The following RPRD2 variants were observed in gnomAD, a reference collection of about 807,000 sequenced individuals.
RPRD2 encodes regulation of nuclear pre-mRNA domain-containing protein 2.
RPRD2 carries 12 observed loss-of-function variants against 104.4 expected under a neutral mutation model. The observed-to-expected ratio is 0.11, with a 90% CI of 0.07 to 0.19. RPRD2 has a LOEUF of 0.19. Among genes scored for constraint, RPRD2 ranks in the 10% least tolerant of loss-of-function variants. RPRD2 has a pLI of 1.00. For synonymous variants in RPRD2, 714 were observed against 684.9 expected (o/e 1.04, Z -0.66); for missense variants, 1,543 against 1,790.1 (o/e 0.86, Z 2.49).
At chr1:150,393,200 G>A (rs1311487593) in intron 1 of RPRD2, among the ~76,000 whole-genome samples, 1 of 151,920 alleles carries the variant, frequency 6.6e-6, no homozygotes, top group Non-Finnish European at 1.5e-5. Context: ...TGGGTGCGGT[G>A]GCTCACACAT....
chr1:150,464,229 G>A (rs1668116306), intron 9 of RPRD2, among the ~76,000 whole-genome samples: 3 of 151,936 alleles, frequency 2.0e-5, no homozygotes, highest in Middle Eastern at 3.4e-3. Context: ...GGCTGGTCTC[G>A]AACTCCTGAC....
intron 1 of RPRD2, among the ~76,000 whole-genome samples, chr1:150,374,724 G>A (rs1553879145): frequency 1.3e-5 from 2 of 152,190 alleles, no homozygotes; most frequent in Non-Finnish European, 2.9e-5. Flanking sequence ...TGTAGGAAAA[G>A]CACTTTTAAG....
At chr1:150,456,731 C>T (rs1156868893) in intron 7 of RPRD2, among the ~76,000 whole-genome samples, 1 of 151,746 alleles carries the variant, frequency 6.6e-6, no homozygotes, top group South Asian at 2.1e-4. Flanking sequence ...TCAAGACCAG[C>T]CTGGCCAACA....
At chr1:150,407,595 A>T (rs1340347454) in intron 1 of RPRD2, among the ~76,000 whole-genome samples, 3 of 152,150 alleles carry the variant, frequency 2.0e-5, no homozygotes, top group African/African-American at 4.8e-5. Context: ...ATAGTGGTGG[A>T]GGAGTATGGC....
chr1:150,445,646 T>G (rs1326825909), intron 6 of RPRD2, among the ~76,000 whole-genome samples: 1 of 152,210 alleles, frequency 6.6e-6, no homozygotes, highest in South Asian at 2.1e-4. Flanking sequence ...ACAAACTCTT[T>G]TAGTTGAACT....
rs764511441 is a variant in RPRD2, at chr1:150,471,513, A to G, written c.2565A>G (p.Lys855=). 6.2e-7 allele frequency: 1 copy of G among 1,613,828 alleles called. No individual in the cohort carries two copies. Among genetic ancestry groups the G allele is most frequent in the South Asian group, 1.1e-5 (1 of 91,058 alleles). ...TGAACCTAGAGAAGAAACCAGCCAA[A>G]TCTATCCTGAAATCAAGCAAGCTGT... ...AMMNLEKKPA[K]SILKSSKLSD... Residue 855 remains lysine, a synonymous_variant, in exon 11 of 11, where the codon AAA becomes AAG. Coordinates refer to ENST00000369068, the MANE Select transcript of RPRD2 (RefSeq NM_015203.5). This position sits in a 1 kb window ranked among gnomAD's most constrained non-coding sequence, Gnocchi z 5.3.
chr1:150,407,091 G>T lies in RPRD2; in HGVS notation c.206-10505G>T, dbSNP rs1271593150. 2.0e-5 allele frequency among the ~76,000 whole-genome samples: 3 copies of T among 152,148 alleles called. No homozygotes were observed. The South Asian group carries it at 6.2e-4, about 31-fold the overall frequency. ...CTTGATGTCTCTAATTTCTGTATTA[G>T]TATATTCTTTGTACTTCATTCTGTA... On this transcript the variant is annotated intron_variant, in intron 1 of 10. Coordinates refer to ENST00000369068, the MANE Select transcript of RPRD2 (RefSeq NM_015203.5).
chr1:150,431,485 T>TTTTTTTTTTTTTTTTTTTTGTG (rs1665580230), intron 2 of RPRD2, among the ~76,000 whole-genome samples: 1 of 141,954 alleles, frequency 7.0e-6, no homozygotes, highest in Non-Finnish European at 1.5e-5. Flanking sequence ...TTTTTTTTTT[T>TTTTTTTTTTTTTTTTTTTTGTG]TTTTTTTTTT....
chr1:150,418,030 C>T (rs1279020401), intron 2 of RPRD2, among the ~76,000 whole-genome samples: 1 of 151,534 alleles, frequency 6.6e-6, no homozygotes, highest in Non-Finnish European at 1.5e-5. Context: ...TGCAGTGGCG[C>T]GATCTCGGCT....
At chr1:150,396,353 TTTAA>T (rs1472937479) in intron 1 of RPRD2, among the ~76,000 whole-genome samples, 1 of 152,208 alleles carries the variant, frequency 6.6e-6, no homozygotes, top group Non-Finnish European at 1.5e-5. Context: ...AGCTCTTTAG[TTTAA>T]TTAAGTTTCA....
At chr1:150,375,961 A>C (rs1363498399) in intron 1 of RPRD2, among the ~76,000 whole-genome samples, 7 of 152,212 alleles carry the variant, frequency 4.6e-5, no homozygotes, top group Non-Finnish European at 1.0e-4. Context: ...CACTGCCCCC[A>C]CAGATATTAA....
intron 1 of RPRD2, among the ~76,000 whole-genome samples, chr1:150,387,000 A>C (rs1661614650): frequency 6.6e-6 from 1 of 152,210 alleles, no homozygotes; most frequent in Non-Finnish European, 1.5e-5. Flanking sequence ...ACTTTTTAAA[A>C]TAGATTTGTG....
Position 150,470,704 on chromosome 1 carries a change from A to G in RPRD2, c.1756A>G (p.Ile586Val). ...TCTGCCCTCCAGTGCCCAACCTTTTATTCCCAAAAGCTTCAACTATTCTCC... is the reference window on the plus strand; with the variant it reads ...TCTGCCCTCCAGTGCCCAACCTTTTGTTCCCAAAAGCTTCAACTATTCTCC... ...RNLPSSAQPF[I>V]PKSFNYSPNS... Residue 586 changes from isoleucine (I) to valine (V), a missense_variant, in exon 11 of 11, where the codon ATT becomes GTT. Ile to Val is a conservative substitution (Grantham distance 29). Transcript: ENST00000369068. 1 of 1,614,036 alleles carries G rather than the reference A, an allele frequency of 6.2e-7. No individual in the cohort carries two copies. Among genetic ancestry groups the G allele is most frequent in the African/African-American group, 1.3e-5 (1 of 75,056 alleles).
In RPRD2 at chr1:150,472,791, C is replaced by T. The variant is rs1668679684; in HGVS notation, c.3843C>T (p.Ser1281=). The part of the protein sequence containing the change: ...PPPPPPGEHS[S]SGGSGVPFST... ...CTCCCCCTCCTGGGGAACATAGCAG[C>T]AGTGGTGGGAGTGGTGTCCCCTTTT... Residue 1281 remains serine (S), a synonymous_variant, in exon 11 of 11, where the codon AGC becomes AGT. Transcript: ENST00000369068. 1.2e-6 allele frequency: 2 copies of T among 1,611,168 alleles called. No homozygotes were observed. The highest frequency in any genetic ancestry group is 1.1e-5 in the South Asian group (1 of 90,986).
chr1:150,379,063 A>G (rs1187910573), intron 1 of RPRD2, among the ~76,000 whole-genome samples: 2 of 150,832 alleles, frequency 1.3e-5, no homozygotes, highest in African/African-American at 4.9e-5. Context: ...CAGACAGATC[A>G]CAAGGTGAGG....
At chr1:150,384,639 T>TTG (rs71086504) in intron 1 of RPRD2, among the ~76,000 whole-genome samples, 5,973 of 133,252 alleles carry the variant, frequency 0.045, 303 homozygotes, top group African/African-American at 0.13. Context: ...CCTGGCTAAT[T>TTG]TGTGTGTGTG....
Position 150,452,661 on chromosome 1 carries a change from CTTTTTTTTTTTT to C in RPRD2, c.871-4613_871-4602del, listed in dbSNP as rs782322743. On this transcript the variant is annotated intron_variant, in intron 7 of 10. Coordinates refer to ENST00000369068, the MANE Select transcript of RPRD2 (RefSeq NM_015203.5). Reference sequence around the variant, plus strand: ...TTTCTGTGTTCTTTTGACATATCCCCTTTTTTTTTTTTTTTTTTTTTTTTTGAGACGAACTTT... The same window carrying C: ...TTTCTGTGTTCTTTTGACATATCCCCTTTTTTTTTTTTTGAGACGAACTTT... 9.3e-3 allele frequency among the ~76,000 whole-genome samples: 661 copies of C among 71,302 alleles called. 17 individuals are homozygous for C. In the East Asian group the frequency reaches 0.11, roughly 11 times the overall value. 46.8% of individuals were successfully genotyped at this position (71,302 alleles called of 152,430 possible).
chr1:150,415,293 T>A (rs1318543845), intron 1 of RPRD2, among the ~76,000 whole-genome samples: 1 of 151,842 alleles, frequency 6.6e-6, no homozygotes, highest in Admixed American at 6.6e-5. Flanking sequence ...GATTGTGCCA[T>A]TGCACTCTAG....
intron 7 of RPRD2, 81 bp from the exon 8 acceptor site, chr1:150,457,207 A>G: frequency 7.3e-7 from 1 of 1,365,290 alleles, no homozygotes. Context: ...CTGGGTGACA[A>G]AGTGAGACTC....
Sources: gnomAD v4.1 joint callset for allele counts (sites outside exome capture counted in the v4.1 genomes callset) on GRCh38, gnomAD v4.1.1 for gene constraint, Gnocchi (gnomAD v3.1) non-coding constraint, MANE v1.5 for transcripts, NCBI Gene and HGNC (gene_info 2026-07-23, HGNC 2026-07-21) for gene names.